Variants in NAALADL2 observed in about 807,000 individuals in gnomAD.
NAALADL2 encodes N-acetylated alpha-linked acidic dipeptidase like 2, also known as inactive N-acetylated-alpha-linked acidic dipeptidase-like protein 2.
NAALADL2 carries 76 observed loss-of-function variants against 87.2 expected under a neutral mutation model. That is an observed-to-expected ratio of 0.87 (90% CI 0.72 to 1.05). NAALADL2 has a LOEUF of 1.05. NAALADL2 is among the 50% of genes least tolerant of loss of function. The pLI is 0.00. For synonymous variants in NAALADL2, 354 were observed against 331.0 expected (o/e 1.07, Z -0.75); for missense variants, 1,089 against 945.8 (o/e 1.15, Z -1.99).
At chr3:174,971,054 GA>G (rs762216774) in intron 1 of NAALADL2, among the ~76,000 whole-genome samples, 1 of 152,114 alleles carries the variant, frequency 6.6e-6, no homozygotes, top group Non-Finnish European at 1.5e-5. Flanking sequence ...GGTGGCAAGA[GA>G]AAAATGAGGA....
At chr3:175,157,626 G>A (rs1227925404) in intron 2 of NAALADL2, among the ~76,000 whole-genome samples, 2 of 152,004 alleles carry the variant, frequency 1.3e-5, no homozygotes, top group Non-Finnish European at 2.9e-5. Context: ...TAATGTCATA[G>A]GATCAGCCTG....
At chr3:174,910,019 A>T (rs1733490772) in intron 1 of NAALADL2, among the ~76,000 whole-genome samples, 1 of 152,158 alleles carries the variant, frequency 6.6e-6, no homozygotes, top group Non-Finnish European at 1.5e-5. Context: ...TATGCAATGT[A>T]TTGTATTTGC....
At chr3:174,758,202 C>T (rs1420725019) in intron 3 of NAALADL2, among the ~76,000 whole-genome samples, 3 of 152,200 alleles carry the variant, frequency 2.0e-5, no homozygotes, top group African/African-American at 7.2e-5. Context: ...CATCTCCCTT[C>T]CACGTTTTAG....
chr3:175,454,551 G>T (rs1479995029), intron 6 of NAALADL2, among the ~76,000 whole-genome samples: 1 of 151,942 alleles, frequency 6.6e-6, no homozygotes, highest in Non-Finnish European at 1.5e-5. Context: ...TGCATCTCAC[G>T]AGGCCATCAG....
chr3:174,961,031 T>C (rs1741902360), intron 1 of NAALADL2, among the ~76,000 whole-genome samples: 1 of 128,232 alleles, frequency 7.8e-6, no homozygotes, highest in Admixed American at 8.1e-5. Context: ...AACAAGACCT[T>C]GTTTCTAAAA....
intron 2 of NAALADL2, among the ~76,000 whole-genome samples, chr3:175,215,917 T>C (rs1196357097): frequency 2.0e-5 from 3 of 152,176 alleles, no homozygotes; most frequent in East Asian, 3.9e-4. Context: ...TGAAGAAAAA[T>C]GTAGGACTAG....
intron 1 of NAALADL2, among the ~76,000 whole-genome samples, chr3:174,909,697 C>A (rs1733443547): frequency 6.6e-6 from 1 of 152,124 alleles, no homozygotes; most frequent in Non-Finnish European, 1.5e-5. Context: ...AATTTGATCT[C>A]TTCCTACTTT....
chr3:174,842,613 C>T (rs1349566822), intron 3 of NAALADL2, among the ~76,000 whole-genome samples: 1 of 152,142 alleles, frequency 6.6e-6, no homozygotes, highest in Non-Finnish European at 1.5e-5. Flanking sequence ...TTGTTACATA[C>T]TTCTTTCAGA....
At chr3:174,747,320 T>C (rs1734354658) in intron 3 of NAALADL2, among the ~76,000 whole-genome samples, 1 of 151,946 alleles carries the variant, frequency 6.6e-6, no homozygotes, top group Non-Finnish European at 1.5e-5. Context: ...AAAAAACATA[T>C]GAAGAAAAGC....
At chr3:174,869,676 C>T (rs1323114569) in intron 1 of NAALADL2, among the ~76,000 whole-genome samples, 3 of 151,984 alleles carry the variant, frequency 2.0e-5, no homozygotes, top group Non-Finnish European at 2.9e-5. Context: ...ATCGGCTAGC[C>T]GCAGCTGCAG....
At chr3:175,135,089 T>C (rs1327766624) in intron 2 of NAALADL2, among the ~76,000 whole-genome samples, 1 of 152,200 alleles carries the variant, frequency 6.6e-6, no homozygotes, top group Non-Finnish European at 1.5e-5. Context: ...AGATGGCTCC[T>C]GTCTGCTACT....
chr3:174,875,926 A>T (rs1462086399), intron 1 of NAALADL2, among the ~76,000 whole-genome samples: 1 of 152,086 alleles, frequency 6.6e-6, no homozygotes, highest in East Asian at 1.9e-4. Context: ...TAATAATTTA[A>T]TTTTTAAAAA....
rs559772878 is a variant in NAALADL2, at chr3:174,761,611, A to T, written c.-9+23865A>T. ...ACAAAAGTTTTTGCAATTACTTTTT[A>T]AGAAAAATTTTTTTATTATTATACT... is the stretch of plus-strand genomic sequence containing the variant. On this transcript the variant is annotated intron_variant, in intron 3 of 3. Coordinates refer to the NAALADL2 transcript ENST00000434257. Among the ~76,000 whole-genome samples, 339 of 152,304 alleles carry T rather than the reference A, an allele frequency of 2.2e-3. 1 individual carries two copies. Among genetic ancestry groups the T allele is most frequent in the African/African-American group, 7.8e-3 (326 of 41,570 alleles).
intron 2 of NAALADL2, among the ~76,000 whole-genome samples, chr3:175,164,256 T>C (rs978880901): frequency 6.6e-6 from 1 of 151,790 alleles, no homozygotes; most frequent in African/African-American, 2.4e-5. Flanking sequence ...ATTAAAAATA[T>C]ATGTAAATAT....
At chr3:175,574,440 A>G (rs754878279) in intron 9 of NAALADL2, among the ~76,000 whole-genome samples, 2 of 152,134 alleles carry the variant, frequency 1.3e-5, no homozygotes. Context: ...GGTGTTTTCT[A>G]TGTTCCCAGA....
intron 1 of NAALADL2, among the ~76,000 whole-genome samples, chr3:174,880,587 T>C (rs972635446): frequency 2.6e-5 from 4 of 152,078 alleles, no homozygotes; most frequent in Admixed American, 1.3e-4. Context: ...TCAATGACCA[T>C]CTTAGAACAT....
intron 10 of NAALADL2, among the ~76,000 whole-genome samples, chr3:175,602,710 A>T (rs1322541686): frequency 6.6e-6 from 1 of 152,190 alleles, no homozygotes; most frequent in Non-Finnish European, 1.5e-5. Context: ...GCTGTGATTC[A>T]GCGTTATCAG....
chr3:175,797,686 G>A (rs1461963483), intron 13 of NAALADL2, among the ~76,000 whole-genome samples: 1 of 152,050 alleles, frequency 6.6e-6, no homozygotes, highest in Admixed American at 6.6e-5. Context: ...GACACACTTA[G>A]GCACTCTGAT....
intron 9 of NAALADL2, among the ~76,000 whole-genome samples, chr3:175,507,675 C>T (rs753838853): frequency 3.9e-5 from 6 of 152,132 alleles, no homozygotes; most frequent in Admixed American, 2.6e-4. Flanking sequence ...CTGCCCACCT[C>T]GGCCTCCCAA....
Sources: gnomAD v4.1 joint callset for allele counts (sites outside exome capture counted in the v4.1 genomes callset) on GRCh38, gnomAD v4.1.1 for gene constraint, MANE v1.5 for transcripts, NCBI Gene and HGNC (gene_info 2026-07-23, HGNC 2026-07-21) for gene names.